Variants in FRMD4A observed in about 807,000 individuals in gnomAD.
FRMD4A encodes the protein FERM domain-containing protein 4A.
In FRMD4A, 29 loss-of-function variants were observed where a neutral mutation model predicts 129.1. The observed-to-expected ratio is 0.22, with a 90% CI of 0.17 to 0.31. The LOEUF is 0.31. FRMD4A is among the 10% of genes least tolerant of loss of function. The pLI is 1.00. For missense variants in FRMD4A, 1,272 were observed against 1,375.8 expected (o/e 0.92, Z 1.19); for synonymous variants, 634 against 571.6 (o/e 1.11, Z -1.56).
chr10:13,885,050 G>A (rs527575290), intron 2 of FRMD4A, among the ~76,000 whole-genome samples: 1 of 152,250 alleles, frequency 6.6e-6, no homozygotes, highest in East Asian at 1.9e-4. Flanking sequence ...AGTAAACAAG[G>A]TTGGAGAGGG....
intron 2 of FRMD4A, among the ~76,000 whole-genome samples, chr10:14,237,102 G>A (rs745940399): frequency 6.6e-6 from 1 of 151,360 alleles, no homozygotes; most frequent in Non-Finnish European, 1.5e-5. Context: ...TGAACTCCTG[G>A]CCTTAAGCAG....
At chr10:14,063,290 G>A (rs955295044) in intron 2 of FRMD4A, among the ~76,000 whole-genome samples, 6 of 152,066 alleles carry the variant, frequency 3.9e-5, no homozygotes, top group East Asian at 3.9e-4. Flanking sequence ...ATGTTGATGA[G>A]AGTCAGTCTC....
In FRMD4A at chr10:13,693,669, C is replaced by A. The variant is rs183183889; in HGVS notation, c.1117+229G>T. The A allele has an allele frequency of 4.7e-6, 3 of 639,538 alleles. No homozygotes were observed. In the South Asian group the frequency reaches 4.7e-5, roughly 10 times the overall value. The allele number at this position is 639,538 out of a possible 1,614,324, so 39.6% of individuals were successfully genotyped here. On this transcript the variant is annotated intron_variant, in intron 15 of 24. Coordinates refer to ENST00000357447, the MANE Select transcript of FRMD4A (RefSeq NM_018027.5). The stretch of plus-strand genomic sequence containing the variant: ...GTGACCAGCAGGCCTTCTTGCACTG[C>A]GTGGTTCTACTGATGCTTTTTTTTT...
chr10:13,884,158 A>ACT (rs1564970876), intron 2 of FRMD4A, among the ~76,000 whole-genome samples: 12 of 39,590 alleles, frequency 3.0e-4, no homozygotes, highest in African/African-American at 1.5e-3. Flanking sequence ...ACACACTCTC[A>ACT]CACACACACT....
At chr10:13,850,589 A>G (rs2094127498) in intron 3 of FRMD4A, among the ~76,000 whole-genome samples, 1 of 152,254 alleles carries the variant, frequency 6.6e-6, no homozygotes, top group South Asian at 2.1e-4. Flanking sequence ...GGGTAAGCCC[A>G]TCTTCCATTG....
At chr10:14,081,647 A>G (rs1458129790) in intron 2 of FRMD4A, among the ~76,000 whole-genome samples, 1 of 152,250 alleles carries the variant, frequency 6.6e-6, no homozygotes. Flanking sequence ...ATCCAGAGCT[A>G]TGATATACAA....
intron 3 of FRMD4A, among the ~76,000 whole-genome samples, chr10:13,833,755 A>T (rs1280713737): frequency 6.6e-6 from 1 of 152,106 alleles, no homozygotes; most frequent in Non-Finnish European, 1.5e-5. Context: ...ACAGAATTGC[A>T]GTTAATCATC....
chr10:13,884,116 ACACACT>A (rs1425495811), intron 2 of FRMD4A, among the ~76,000 whole-genome samples: 1 of 111,862 alleles, frequency 8.9e-6, no homozygotes, highest in African/African-American at 4.2e-5. Context: ...ACACACACAC[ACACACT>A]CACACACACG....
intron 12 of FRMD4A, among the ~76,000 whole-genome samples, chr10:13,731,976 C>G (rs1040135194): frequency 1.4e-4 from 21 of 152,108 alleles, no homozygotes; most frequent in African/African-American, 5.1e-4. Flanking sequence ...ACATGTGTAC[C>G]CTGCAGGCAA....
rs534281403 is a variant in FRMD4A at position 13,666,434 on chromosome 10, T to C, written c.1375-109A>G. 59 of 718,618 alleles carry C rather than the reference T, an allele frequency of 8.2e-5. 1 individual carries two copies. In the African/African-American group the frequency reaches 9.6e-4, roughly 12 times the overall value. The allele number at this position is 718,618 out of a possible 1,614,324, so 44.5% of individuals were successfully genotyped here. ...AGTCCAGTTCCATGGGAGACACTCT[T>C]AAGAGTAGCCCCACTCCTAAAATCT... On this transcript the variant is annotated intron_variant, in intron 17 of 24. Coordinates refer to ENST00000357447, the MANE Select transcript of FRMD4A (RefSeq NM_018027.5).
At chr10:13,918,810 G>A (rs535986746) in intron 2 of FRMD4A, among the ~76,000 whole-genome samples, 68 of 151,664 alleles carry the variant, frequency 4.5e-4, no homozygotes, top group Non-Finnish European at 8.4e-4. Context: ...TTACAGGCAT[G>A]AGCCATCATG....
At chr10:13,684,817 G>A (rs1022460128) in intron 15 of FRMD4A, 10 of 984,308 alleles carry the variant, frequency 1.0e-5, no homozygotes, top group African/African-American at 3.5e-5. Flanking sequence ...GAAAGGAATC[G>A]GTTGTTCTAG....
At chr10:13,665,838 C>G (rs1301289872) in intron 18 of FRMD4A, among the ~76,000 whole-genome samples, 1 of 152,242 alleles carries the variant, frequency 6.6e-6, no homozygotes, top group Non-Finnish European at 1.5e-5. Context: ...TAGCTCCTGG[C>G]TGCAGGTTCT....
chr10:14,007,271 T>C (rs903681602), intron 2 of FRMD4A: 4 of 152,202 alleles, frequency 2.6e-5, no homozygotes, highest in African/African-American at 9.7e-5. Context: ...ACATGGGCTT[T>C]TGGGGTTTCT....
intron 2 of FRMD4A, among the ~76,000 whole-genome samples, chr10:14,073,942 G>T (rs1296657333): frequency 1.3e-5 from 2 of 152,044 alleles, no homozygotes; most frequent in Non-Finnish European, 1.5e-5. Context: ...TGAAACTCTG[G>T]TTCTACTAAA....
chr10:13,792,695 T>C (rs1172250097), intron 5 of FRMD4A, among the ~76,000 whole-genome samples: 1 of 152,204 alleles, frequency 6.6e-6, no homozygotes, highest in African/African-American at 2.4e-5. Flanking sequence ...CCAGTCTTTA[T>C]CCTTTTTGGG....
In FRMD4A at chr10:13,849,510, C is replaced by T. The variant is rs60278746; in HGVS notation, c.111+9337G>A. On this transcript the variant is annotated intron_variant, in intron 3 of 24. Transcript: ENST00000357447. ...TTTTTTTTTTTTTTGATACGGAGTT[C>T]GCTCTTGTTGCCCAGGCTAGAGTGC... Among the ~76,000 whole-genome samples, 1,221 of 148,604 alleles carry T rather than the reference C, an allele frequency of 8.2e-3. 16 individuals are homozygous for T. The highest frequency in any genetic ancestry group is 0.028 in the African/African-American group (1,150 of 40,376).
At chr10:13,730,953 A>G (rs6602678) in intron 12 of FRMD4A, among the ~76,000 whole-genome samples, 98,650 of 149,934 alleles carry the variant, frequency 0.66, 32,565 homozygotes, top group South Asian at 0.69. Context: ...GCTTGAACCC[A>G]GGAGGCAGAG....
intron 14 of FRMD4A, among the ~76,000 whole-genome samples, chr10:13,697,637 TTC>T (rs1284377386): frequency 1.3e-5 from 2 of 152,088 alleles, no homozygotes; most frequent in Non-Finnish European, 2.9e-5. Context: ...TGACTCAGTC[TTC>T]TGTCTGATAT....
Sources: gnomAD v4.1 joint callset for allele counts (sites outside exome capture counted in the v4.1 genomes callset) on GRCh38, gnomAD v4.1.1 for gene constraint, MANE v1.5 for transcripts, NCBI Gene and HGNC (gene_info 2026-07-23, HGNC 2026-07-21) for gene names.